Variants in SASH1 observed in about 807,000 individuals in gnomAD.
SASH1 encodes SAM and SH3 domain containing 1, also known as SAM and SH3 domain-containing protein 1.
In SASH1, 44 loss-of-function variants were observed where a neutral mutation model predicts 125.2. The observed-to-expected ratio is 0.35, with a 90% confidence interval of 0.28 to 0.45. The LOEUF (loss-of-function observed/expected upper bound fraction) is 0.45. SASH1 is among the 20% of genes least tolerant of loss of function. The pLI, the probability that SASH1 is intolerant of heterozygous loss-of-function variation, is 1.00. For missense variants in SASH1, 1,426 were observed against 1,614.5 expected, an observed-to-expected ratio of 0.88 and a Z score of 2.00; for synonymous variants, 639 against 649.1, an observed-to-expected ratio of 0.98 and a Z score of 0.24.
At chr6:148,217,743 G>T in the SASH1 span, among the ~76,000 whole-genome samples, 1 of 151,626 alleles carries the variant, frequency 6.6e-6, no homozygotes. Flanking sequence ...ACTGGCTCTC[G>T]CCTATAATCC....
rs946260811 is a variant in SASH1, at chr6:148,485,223, A to C, written c.628-2391A>C. ...GACATAATAATCTCATGATAATCCCATTTTCCAACGGGCAGATACTCTCAA... is the reference window on the plus strand; with the variant it reads ...GACATAATAATCTCATGATAATCCCCTTTTCCAACGGGCAGATACTCTCAA... On this transcript the variant is annotated intron_variant, in intron 7 of 19. Coordinates refer to ENST00000367467, the MANE Select transcript of SASH1 (RefSeq NM_015278.5). 2.0e-5 allele frequency among the ~76,000 whole-genome samples: 3 copies of C among 152,104 alleles called. No individual in the cohort carries two copies. In the South Asian group the frequency reaches 6.2e-4, roughly 32 times the overall value.
At chr6:148,253,407 A>C in the SASH1 span, among the ~76,000 whole-genome samples, 10 of 152,232 alleles carry the variant, frequency 6.6e-5, no homozygotes, top group African/African-American at 2.4e-4. Flanking sequence ...ATATACAAAA[A>C]CTTAACTCAA....
rs1382489730 is a variant in SASH1, at chr6:148,531,578, C to A, written c.1481C>A (p.Pro494His). The A allele has an allele frequency of 1.3e-6, 2 of 1,575,808 alleles. No individual in the cohort carries two copies. Among genetic ancestry groups the A allele is most frequent in the Non-Finnish European group, 1.7e-6 (2 of 1,160,210 alleles). The change falls in exon 13 of 20, where the codon CCC (proline) becomes CAC (histidine). Residue 494 changes from proline (P) to histidine (H), a missense_variant. By Grantham distance (77) the Pro-to-His change is moderately conservative. This residue lies in a region of SASH1 where 225 missense variants were observed against 344.5 expected (regional missense o/e 0.65). Transcript: ENST00000367467. ...TCCCCTCCGCCTTCACAGCCCGACC[C>A]CGAACACTTGGACAAGCCCAAGCTC... is the stretch of plus-strand genomic sequence containing the variant. ...PGSPPPSQPD[P>H]EHLDKPKLKA...
At chr6:148,487,547 C>A in intron 7 of SASH1, 67 bp from the exon 8 acceptor site, 1 of 1,124,530 alleles carries the variant, frequency 8.9e-7, no homozygotes, top group East Asian at 2.5e-5. Context: ...GAGTCATTTC[C>A]CTGTAAAAGG....
intron 1 of SASH1, among the ~76,000 whole-genome samples, chr6:148,287,915 G>T (rs1221232654): frequency 6.6e-6 from 1 of 152,166 alleles, no homozygotes; most frequent in South Asian, 2.1e-4. Flanking sequence ...GTACAGTATG[G>T]AACTAACCTT....
In SASH1 at chr6:148,533,235, C is replaced by T. The variant is rs1202228902; in HGVS notation, c.1734+269C>T. On this transcript the variant is annotated intron_variant, in intron 14 of 19. Coordinates refer to ENST00000367467, the MANE Select transcript of SASH1 (RefSeq NM_015278.5). The surrounding 1 kb of genome is among the most constrained non-coding windows in gnomAD (Gnocchi z 6.2). ...TCCCTCTAGAATTCCTGTTGCACAC[C>T]CTCCCTCTCCCCACCTGGCTCCTGC... Among the ~76,000 whole-genome samples, 3 of 152,152 alleles carry T rather than the reference C, an allele frequency of 2.0e-5. No homozygotes were observed. Among genetic ancestry groups the T allele is most frequent in the Admixed American group, 6.5e-5 (1 of 15,278 alleles).
chr6:148,368,760 G>A (rs1456010664), intron 1 of SASH1, among the ~76,000 whole-genome samples: 13 of 14,952 alleles, frequency 8.7e-4, no homozygotes, highest in Admixed American at 3.3e-3. Context: ...ACATGCGCGC[G>A]CACGCGCGCG....
chr6:148,194,252 T>C, the SASH1 span, among the ~76,000 whole-genome samples: 1 of 152,216 alleles, frequency 6.6e-6, no homozygotes, highest in East Asian at 1.9e-4. Context: ...CATTTTATAG[T>C]GGAGTAAACT....
chr6:148,508,592 T>C, intron 8 of SASH1: 2 of 1,135,434 alleles, frequency 1.8e-6, no homozygotes, highest in South Asian at 2.0e-5. Context: ...TATGCCTTTC[T>C]TGCGAGTTAT....
chr6:148,306,222 C>T (rs9403935), intron 1 of SASH1, among the ~76,000 whole-genome samples: 16,406 of 152,156 alleles, frequency 0.11, 1,106 homozygotes, highest in East Asian at 0.22. Context: ...TTTCTCTTTC[C>T]ACTCGCTTGT....
At chr6:148,541,276 AT>A (rs949407078) in intron 17 of SASH1, among the ~76,000 whole-genome samples, 2 of 151,004 alleles carry the variant, frequency 1.3e-5, no homozygotes, top group African/African-American at 4.9e-5. Context: ...AGCCATTGGA[AT>A]CCTATCTAGT....
intron 6 of SASH1, among the ~76,000 whole-genome samples, chr6:148,473,796 C>T (rs974886067): frequency 8.5e-5 from 13 of 152,160 alleles, no homozygotes; most frequent in African/African-American, 2.9e-4. Context: ...CCACCTATAG[C>T]GAGGATCTCT....
chr6:148,478,090 A>T (rs1489590063), intron 7 of SASH1, among the ~76,000 whole-genome samples: 1 of 152,182 alleles, frequency 6.6e-6, no homozygotes, highest in Non-Finnish European at 1.5e-5. Context: ...GGGAATGTAA[A>T]TTATTACAGC....
chr6:148,430,204 C>T (rs541691311), intron 2 of SASH1, among the ~76,000 whole-genome samples: 49 of 152,334 alleles, frequency 3.2e-4, no homozygotes, highest in African/African-American at 1.1e-3. Context: ...TCAGTCTGCA[C>T]TCAGGGAGCA....
At chr6:148,257,806 T>C in the SASH1 span, among the ~76,000 whole-genome samples, 2 of 152,010 alleles carry the variant, frequency 1.3e-5, no homozygotes, top group Admixed American at 1.3e-4. Context: ...AATTTTTGTA[T>C]TTTTAGTAAA....
Position 148,549,779 on chromosome 6 carries a change from A to G in SASH1, c.*1221A>G. The stretch of plus-strand genomic sequence containing the variant: ...CCATGTGTTAAGTATTTGCTACTTT[A>G]AATTGTTTTACAACTGATTTCAGCA... On this transcript the variant is annotated 3_prime_UTR_variant, in exon 20 of 20. Coordinates refer to ENST00000367467, the MANE Select transcript of SASH1 (RefSeq NM_015278.5). The G allele has an allele frequency of 2.6e-6, 1 of 388,582 alleles. No individual in the cohort carries two copies. 24.1% of individuals were successfully genotyped at this position (388,582 alleles called of 1,614,324 possible). A position where few individuals can be genotyped will look rare whatever the true frequency, so the allele number is the denominator to read the frequency against.
intron 1 of SASH1, among the ~76,000 whole-genome samples, chr6:148,329,012 A>G (rs935080779): frequency 1.3e-5 from 2 of 152,176 alleles, no homozygotes; most frequent in Non-Finnish European, 2.9e-5. Context: ...GACTTAGGCC[A>G]GATGTTAGTT....
intron 1 of SASH1, chr6:148,380,061 A>G (rs4897000): frequency 0.75 from 332,847 of 442,850 alleles, 126,450 homozygotes; most frequent in Admixed American, 0.85. Context: ...ACCAAGAAAC[A>G]GTTGCTTCAA....
intron 16 of SASH1, among the ~76,000 whole-genome samples, chr6:148,535,214 TC>T (rs1489710063): frequency 6.6e-6 from 1 of 152,166 alleles, no homozygotes; most frequent in Non-Finnish European, 1.5e-5. Flanking sequence ...AAAGAAAACC[TC>T]CTGTGCCGCC....
Sources: gnomAD v4.1 joint callset for allele counts (sites outside exome capture counted in the v4.1 genomes callset) on GRCh38, gnomAD v4.1.1 for gene constraint, gnomAD v4.1.1 regional missense constraint, Gnocchi (gnomAD v3.1) non-coding constraint, MANE v1.5 for transcripts, NCBI Gene and HGNC (gene_info 2026-07-23, HGNC 2026-07-21) for gene names.